SIX4: variants seen among roughly 807,000 people sequenced by gnomAD.
SIX4 encodes the protein SIX homeobox 4, also known as homeobox protein SIX4.
SIX4 carries 23 observed loss-of-function variants against 51.5 expected under a neutral mutation model. That is an observed-to-expected ratio of 0.45 (90% CI 0.32 to 0.63). SIX4 has a LOEUF of 0.63. SIX4 is among the 30% of genes least tolerant of loss of function. The pLI is 0.04. For missense variants in SIX4, 867 were observed against 984.0 expected, an observed-to-expected ratio of 0.88 and a Z score of 1.59; for synonymous variants, 413 against 417.3, an observed-to-expected ratio of 0.99 and a Z score of 0.13.
chr14:60,723,947 A>T lies in SIX4; in HGVS notation c.128T>A (p.Leu43Gln), dbSNP rs1283109377. The change falls in exon 1 of 3, where the codon CTG becomes CAG. Residue 43 changes from leucine (L) to glutamine (Q), a missense_variant. Leu to Gln is a moderately radical substitution (Grantham distance 113). Coordinates refer to ENST00000216513, the MANE Select transcript of SIX4 (RefSeq NM_017420.5). ...REVAGGAAVGLSPPAPAPFPL... is the reference protein window; with the variant it reads ...REVAGGAAVGQSPPAPAPFPL... ...AAAAGGGGCTGGAGCCGGGGGGCTCAGCCCTACCGCCGCGCCCCCCGCCAC... is the reference window on the plus strand; with the variant it reads ...AAAAGGGGCTGGAGCCGGGGGGCTCTGCCCTACCGCCGCGCCCCCCGCCAC... 4.0e-6 allele frequency: 6 copies of T among 1,509,376 alleles called. No individual in the cohort carries two copies. Among genetic ancestry groups the T allele is most frequent in the Non-Finnish European group, 5.3e-6 (6 of 1,136,882 alleles). The allele number at this position is 1,509,376 out of a possible 1,614,324, so 93.5% of individuals were successfully genotyped here.
At position 60,723,877 on chromosome 14, in the gene SIX4, G is replaced by A; in HGVS notation, c.198C>T (p.Ser66=). 2 of 1,537,662 alleles carry A rather than the reference G, an allele frequency of 1.3e-6. No individual in the cohort carries two copies. Among genetic ancestry groups the A allele is most frequent in the Non-Finnish European group, 1.7e-6 (2 of 1,157,516 alleles). The change falls in exon 1 of 3, where the codon AGC becomes AGT. Residue 66 remains serine, a synonymous_variant. Coordinates refer to ENST00000216513, the MANE Select transcript of SIX4 (RefSeq NM_017420.5). ...CCGCCGCCACTGCCCCTTCCTCTCC[G>A]CTCACCCTGGCGGCAGCGGTCGCGG... ...GDAATAAARV[S]GEEGAVAAAA...
rs1896096501 is a variant in SIX4, at chr14:60,724,207, G to A, written c.-133C>T. 6.4e-7 allele frequency: 1 copy of A among 1,559,048 alleles called. No homozygotes were observed. Among genetic ancestry groups the A allele is most frequent in the Non-Finnish European group, 8.6e-7 (1 of 1,159,314 alleles). On this transcript the variant is annotated 5_prime_UTR_variant, in exon 1 of 3. Coordinates refer to ENST00000216513, the MANE Select transcript of SIX4 (RefSeq NM_017420.5). The stretch of plus-strand genomic sequence containing the variant: ...CGGAAAGCCCACTCCCTCCCTCCTG[G>A]TTTCGGCTGTATCTGGCCGATCAGG...
chr14:60,713,973 G>C lies in SIX4; in HGVS notation c.1780C>G (p.Leu594Val), dbSNP rs374037409. ...CTCCCCGAGATGTTTTCAGAAGACA[G>C]GTTTGCATTTACTTGTGCATTCTGA... ...VNQNAQVNAN[L>V]SSENISGSGL... The change falls in exon 3 of 3, where the codon CTG becomes GTG. Residue 594 changes from leucine (L) to valine (V), a missense_variant. Leu to Val is a conservative substitution (Grantham distance 32). Coordinates refer to ENST00000216513, the MANE Select transcript of SIX4 (RefSeq NM_017420.5). The C allele has an allele frequency of 1.4e-5, 23 of 1,614,042 alleles. No individual in the cohort carries two copies. Among genetic ancestry groups the C allele is most frequent in the Non-Finnish European group, 1.9e-5 (22 of 1,180,016 alleles).
chr14:60,716,607 G>A (rs1895925844), intron 2 of SIX4, among the ~76,000 whole-genome samples: 1 of 151,990 alleles, frequency 6.6e-6, no homozygotes, highest in Non-Finnish European at 1.5e-5. Flanking sequence ...AGGCTGGTCT[G>A]GAATTCCTGG....
rs532603422 is a variant in SIX4 at position 60,709,960 on chromosome 14, A to G, written c.*3447T>C. ...TGGTAAATTAACATAAAATGTATCA[A>G]TTAGATACAAAGTAACTGCTAGGCT... On this transcript the variant is annotated 3_prime_UTR_variant, in exon 3 of 3. Coordinates refer to ENST00000216513, the MANE Select transcript of SIX4 (RefSeq NM_017420.5). This position sits in a 1 kb window ranked among gnomAD's most constrained non-coding sequence, Gnocchi z 4.1. 4 of 152,692 alleles carry G rather than the reference A, an allele frequency of 2.6e-5. 1 individual carries two copies. Among genetic ancestry groups the G allele is most frequent in the Non-Finnish European group, 5.9e-5 (4 of 68,054 alleles). The allele number at this position is 152,692 out of a possible 1,614,324, so 9.5% of individuals were successfully genotyped here.
Position 60,712,056 on chromosome 14 carries a change from AAC to A in SIX4, c.*1349_*1350del, listed in dbSNP as rs972139435. 6.6e-6 allele frequency: 1 copy of A among 152,664 alleles called. No individual in the cohort carries two copies. The allele number at this position is 152,664 out of a possible 1,614,324, so 9.5% of individuals were successfully genotyped here. ...GAAGACATGATAATATAGTGCAAAC[AAC>A]AGTCATGTGTCAGAGTGTAACAACT... On this transcript the variant is annotated 3_prime_UTR_variant, in exon 3 of 3. Coordinates refer to ENST00000216513, the MANE Select transcript of SIX4 (RefSeq NM_017420.5).
chr14:60,724,235 T>A lies in SIX4; in HGVS notation c.-161A>T. Reference sequence around the variant, plus strand: ...TCGGCTGTATCTGGCCGATCAGGTTTCCCCCCGGCCACGCAGTCACCATTA... The same window carrying A: ...TCGGCTGTATCTGGCCGATCAGGTTACCCCCCGGCCACGCAGTCACCATTA... On this transcript the variant is annotated 5_prime_UTR_variant, in exon 1 of 3. Coordinates refer to ENST00000216513, the MANE Select transcript of SIX4 (RefSeq NM_017420.5). The A allele has an allele frequency of 6.5e-7, 1 of 1,541,396 alleles. No homozygotes were observed. The highest frequency in any genetic ancestry group is 8.7e-7 in the Non-Finnish European group (1 of 1,150,084).
Position 60,720,436 on chromosome 14 carries a change from A to G in SIX4, c.873T>C (p.Asp291=), listed in dbSNP as rs369398293. ...PSETQSKSES[D]GNPSTEDESS... ...ATTCATCTTCAGTGCTGGGGTTGCC[A>G]TCTGACTCACTGTATGGAGGGGGAA... Residue 291 remains aspartate (D), a synonymous_variant, in exon 2 of 3, where the codon GAT becomes GAC. Transcript: ENST00000216513. The surrounding 1 kb of genome is among the most constrained non-coding windows in gnomAD (Gnocchi z 5.5). 4.6e-5 allele frequency: 74 copies of G among 1,612,548 alleles called. No individual in the cohort carries two copies. Among genetic ancestry groups the G allele is most frequent in the Non-Finnish European group, 5.8e-5 (68 of 1,179,298 alleles).
chr14:60,723,762 G>T lies in SIX4; in HGVS notation c.313C>A (p.Pro105Thr), dbSNP rs928036389. 3 of 1,540,080 alleles carry T rather than the reference G, an allele frequency of 1.9e-6. No homozygotes were observed. The highest frequency in any genetic ancestry group is 1.2e-5 in the South Asian group (1 of 84,268). The change falls in exon 1 of 3, where the codon CCG becomes ACG. Residue 105 changes from proline (P) to threonine (T), a missense_variant. Transcript: ENST00000216513. ...HHAAAAAAQT[P>T]LAFSPDHVAC... ...ACGTGGTCGGGCGAGAAGGCCAGCG[G>T]GGTCTGCGCGGCGGCGGCGGCGGCG...
In SIX4 at chr14:60,717,306, A is replaced by T. The variant is rs1360342179; in HGVS notation, c.1549+2454T>A. Among the ~76,000 whole-genome samples, 1 of 152,174 alleles carries T rather than the reference A, an allele frequency of 6.6e-6. No individual in the cohort carries two copies. The highest frequency in any genetic ancestry group is 2.4e-5 in the African/African-American group (1 of 41,442). On this transcript the variant is annotated intron_variant, in intron 2 of 2. Coordinates refer to ENST00000216513, the MANE Select transcript of SIX4 (RefSeq NM_017420.5). This position sits in a 1 kb window ranked among gnomAD's most constrained non-coding sequence, Gnocchi z 4.6. ...AGGCTGGTCTGGAACTCCTGACCTC[A>T]GGTGATCCACCCGCCTTAGCCTCCT... is the stretch of plus-strand genomic sequence containing the variant.
rs1410822365 is a variant in SIX4, at chr14:60,714,065, G to C, written c.1688C>G (p.Thr563Ser). The C allele has an allele frequency of 3.7e-6, 6 of 1,614,012 alleles. No individual in the cohort carries two copies. In the South Asian group the frequency reaches 4.4e-5, roughly 12 times the overall value. ...VVYTVPNTGQ[T>S]IGSVKQEGLE... Reference sequence around the variant, plus strand: ...GCCTTCCTGTTTCACAGATCCTATAGTCTGGCCTGTATTAGGAACCGTGTA... The same window carrying C: ...GCCTTCCTGTTTCACAGATCCTATACTCTGGCCTGTATTAGGAACCGTGTA... The change falls in exon 3 of 3, where the codon ACT becomes AGT. Residue 563 changes from threonine to serine, a missense_variant. Physicochemically the swap from Thr to Ser is moderately conservative, Grantham distance 58. Transcript: ENST00000216513.
At position 60,710,351 on chromosome 14, in the gene SIX4, T is replaced by C. The variant is rs907705071; in HGVS notation, c.*3056A>G. The C allele has an allele frequency of 1.3e-5, 2 of 152,582 alleles. No homozygotes were observed. The highest frequency in any genetic ancestry group is 4.8e-5 in the African/African-American group (2 of 41,430). 9.5% of individuals were successfully genotyped at this position (152,582 alleles called of 1,614,324 possible). On this transcript the variant is annotated 3_prime_UTR_variant, in exon 3 of 3. Coordinates refer to ENST00000216513, the MANE Select transcript of SIX4 (RefSeq NM_017420.5). ...GTCTTTTCATTACTATAAATATACA[T>C]GAGATATAAAGCAGTACAACACAGG... is the stretch of plus-strand genomic sequence containing the variant.
chr14:60,723,255 G>C lies in SIX4; in HGVS notation c.820C>G (p.Arg274Gly). The change falls in exon 1 of 3, where the codon CGC becomes GGC. Residue 274 changes from arginine (R) to glycine (G), a missense_variant. Transcript: ENST00000216513. ...GAGGGGTTCCTGTCGCGCTGCCGGC[G>C]GTTCTTGAACCAGTTGCTGACCTGG... ...LTQVSNWFKN[R>G]RQRDRNPSET... 1 of 1,612,022 alleles carries C rather than the reference G, an allele frequency of 6.2e-7. No individual in the cohort carries two copies. Among genetic ancestry groups the C allele is most frequent in the Non-Finnish European group, 8.5e-7 (1 of 1,178,986 alleles).
chr14:60,714,028 G>T lies in SIX4; in HGVS notation c.1725C>A (p.Ser575Arg). ...CAGGCATCAACTGAGAAAATACCAG[G>T]CTCCTTTCCAAGCCTTCCTGTTTCA... ...GSVKQEGLER[S>R]LVFSQLMPVN... is the part of the protein sequence containing the mutation. Residue 575 changes from serine (S) to arginine (R), a missense_variant, in exon 3 of 3, where the codon AGC (serine) becomes AGA (arginine). Transcript: ENST00000216513. 1 of 1,614,030 alleles carries T rather than the reference G, an allele frequency of 6.2e-7. No homozygotes were observed. The highest frequency in any genetic ancestry group is 1.1e-5 in the South Asian group (1 of 91,056).
In SIX4 at chr14:60,722,940, C is replaced by T; in HGVS notation, c.863+272G>A. The T allele has an allele frequency of 4.0e-6, 2 of 499,732 alleles. No individual in the cohort carries two copies. Among genetic ancestry groups the T allele is most frequent in the Non-Finnish European group, 6.8e-6 (2 of 294,710 alleles). 31.0% of individuals were successfully genotyped at this position (499,732 alleles called of 1,614,324 possible). On this transcript the variant is annotated intron_variant, in intron 1 of 2. Coordinates refer to ENST00000216513, the MANE Select transcript of SIX4 (RefSeq NM_017420.5). This position sits in a 1 kb window ranked among gnomAD's most constrained non-coding sequence, Gnocchi z 5.9. ...TGGGAAGCTGGGCAGCAGTGACCAG[C>T]CGAGGTGGGGGCGGGGACTGAGACC... is the stretch of plus-strand genomic sequence containing the variant.
At position 60,724,175 on chromosome 14, in the gene SIX4, C is replaced by A. The variant is rs1396681703; in HGVS notation, c.-101G>T. ...CCTCCTTCGTCTCCCTCCCTCCTCT[C>A]CCCCTCCGGAAAGCCCACTCCCTCC... is the stretch of plus-strand genomic sequence containing the variant. On this transcript the variant is annotated 5_prime_UTR_variant, in exon 1 of 3. Transcript: ENST00000216513. The A allele has an allele frequency of 3.1e-6, 5 of 1,592,058 alleles. No individual in the cohort carries two copies. The highest frequency in any genetic ancestry group is 1.7e-4 in the Middle Eastern group (1 of 6,032).
In SIX4 at chr14:60,724,278, A is replaced by G; in HGVS notation, c.-204T>C. ...CACCATTAAGATAGCTGTTAGAGCA[A>G]AGTAGTGTAAACGGATAGCTGCTTT... On this transcript the variant is annotated 5_prime_UTR_variant, in exon 1 of 3. Transcript: ENST00000216513. 1 of 1,531,286 alleles carries G rather than the reference A, an allele frequency of 6.5e-7. No individual in the cohort carries two copies. The highest frequency in any genetic ancestry group is 1.2e-5 in the South Asian group (1 of 83,212). 94.9% of individuals were successfully genotyped at this position (1,531,286 alleles called of 1,614,324 possible).
Position 60,722,999 on chromosome 14 carries a change from G to A in SIX4, c.863+213C>T. The A allele has an allele frequency of 2.0e-6, 2 of 1,025,396 alleles. No homozygotes were observed. Among genetic ancestry groups the A allele is most frequent in the Non-Finnish European group, 2.7e-6 (2 of 744,726 alleles). The allele number at this position is 1,025,396 out of a possible 1,614,324, so 63.5% of individuals were successfully genotyped here. On this transcript the variant is annotated intron_variant, in intron 1 of 2. Transcript: ENST00000216513. The surrounding 1 kb of genome is among the most constrained non-coding windows in gnomAD (Gnocchi z 5.9). ...CGACCAGAAACTTCTGGGGGGAGAGGGGGAGGGTAAGGAGGGAGGTTCCCC... is the reference window on the plus strand; with the variant it reads ...CGACCAGAAACTTCTGGGGGGAGAGAGGGAGGGTAAGGAGGGAGGTTCCCC...
Position 60,719,672 on chromosome 14 carries a change from T to C in SIX4, c.1549+88A>G. On this transcript the variant is annotated intron_variant, in intron 2 of 2. Transcript: ENST00000216513. The surrounding 1 kb of genome is among the most constrained non-coding windows in gnomAD (Gnocchi z 4.9). Reference sequence around the variant, plus strand: ...CTAATAAGGTACCTGAACAGAAACATCAATCTATAGCTATCACCAAATGCG... The same window carrying C: ...CTAATAAGGTACCTGAACAGAAACACCAATCTATAGCTATCACCAAATGCG... The C allele has an allele frequency of 3.0e-6, 4 of 1,335,810 alleles. No homozygotes were observed. The highest frequency in any genetic ancestry group is 4.1e-6 in the Non-Finnish European group (4 of 970,170). 82.7% of individuals were successfully genotyped at this position (1,335,810 alleles called of 1,614,324 possible). A position where few individuals can be genotyped will look rare whatever the true frequency, so the allele number is the denominator to read the frequency against.
Sources: allele counts gnomAD v4.1 joint callset (sites outside exome capture counted in the v4.1 genomes callset), GRCh38; gene constraint gnomAD v4.1.1; non-coding constraint Gnocchi (gnomAD v3.1); transcripts MANE v1.5; gene names NCBI Gene and HGNC (gene_info 2026-07-23, HGNC 2026-07-21).